Variants in OLFM2 observed in about 807,000 individuals in gnomAD.
OLFM2 encodes the protein olfactomedin 2.
A neutral mutation model predicts 43.9 loss-of-function variants in OLFM2; 20 were observed. The observed-to-expected ratio is 0.46, with a 90% CI of 0.32 to 0.66. The LOEUF (loss-of-function observed/expected upper bound fraction) is 0.66, where lower values mean the gene tolerates loss of function less well. Among genes scored for constraint, OLFM2 ranks in the 30% least tolerant of loss-of-function variants. OLFM2 has a pLI of 0.04. For missense variants in OLFM2, 416 were observed against 643.6 expected (o/e 0.65, Z 3.83); for synonymous variants, 268 against 278.6 (o/e 0.96, Z 0.38).
At chr19:9,907,187 G>A (rs1482476103) in intron 1 of OLFM2, among the ~76,000 whole-genome samples, 1 of 152,168 alleles carries the variant, frequency 6.6e-6, no homozygotes, top group African/African-American at 2.4e-5. Flanking sequence ...CGGGCGTGGT[G>A]GTTCACGCCT....
At position 9,857,372 on chromosome 19, in the gene OLFM2, G is replaced by A. The variant is rs149476020; in HGVS notation, c.471C>T (p.Ser157=). ...CCTCCTGAATGGCCGCCAGACTGCC[G>A]GAGAGATTCCTCACCTCCTCCCGCA... is the stretch of plus-strand genomic sequence containing the variant. ...VRLREEVRNL[S]GSLAAIQEEM... The change falls in exon 4 of 6, where the codon TCC becomes TCT. Residue 157 remains serine (S), a synonymous_variant. Transcript: ENST00000264833. The surrounding 1 kb of genome is among the most constrained non-coding windows in gnomAD (Gnocchi z 5.7). 2,358 of 1,614,132 alleles carry A rather than the reference G, an allele frequency of 1.5e-3. 8 individuals are homozygous for A. The highest frequency in any genetic ancestry group is 4.8e-3 in the South Asian group (439 of 91,076).
intron 2 of OLFM2, among the ~76,000 whole-genome samples, chr19:9,858,583 G>A (rs1051331033): frequency 1.3e-5 from 2 of 152,180 alleles, no homozygotes; most frequent in Non-Finnish European, 2.9e-5. Flanking sequence ...GCCCAGCACT[G>A]GCCTGGAGTA....
At position 9,854,731 on chromosome 19, in the gene OLFM2, A is replaced by G. The variant is rs771699423; in HGVS notation, c.820T>C (p.Tyr274His). Reference sequence around the variant, plus strand: ...TTGTTATAGAACAGGGAGCCGTTGTACACCACGTGGCCCGTGCCCGCCCAC... The same window carrying G: ...TTGTTATAGAACAGGGAGCCGTTGTGCACCACGTGGCCCGTGCCCGCCCAC... ...QPWAGTGHVV[Y>H]NGSLFYNKYQ... Residue 274 changes from tyrosine to histidine, a missense_variant, in exon 6 of 6, where the codon TAC (tyrosine) becomes CAC (histidine). Physicochemically the swap from Tyr to His is moderately conservative, Grantham distance 83. Transcript: ENST00000264833. The surrounding 1 kb of genome is among the most constrained non-coding windows in gnomAD (Gnocchi z 9.5). 1 of 1,614,118 alleles carries G rather than the reference A, an allele frequency of 6.2e-7. No individual in the cohort carries two copies. The highest frequency in any genetic ancestry group is 1.1e-5 in the South Asian group (1 of 91,082).
chr19:9,934,340 C>A (rs537796534), intron 1 of OLFM2, among the ~76,000 whole-genome samples: 1 of 152,278 alleles, frequency 6.6e-6, no homozygotes, highest in Non-Finnish European at 1.5e-5. Flanking sequence ...TTTGGCCACG[C>A]CCCCGTTGTC....
intron 5 of OLFM2, among the ~76,000 whole-genome samples, chr19:9,855,830 C>T (rs1053107763): frequency 2.6e-5 from 4 of 152,114 alleles, no homozygotes; most frequent in Non-Finnish European, 5.9e-5. Context: ...GCCACTGCAC[C>T]TGGCCACTAT....
At chr19:9,863,627 T>C (rs2046380112) in intron 1 of OLFM2, among the ~76,000 whole-genome samples, 1 of 151,888 alleles carries the variant, frequency 6.6e-6, no homozygotes, top group Non-Finnish European at 1.5e-5. Context: ...TTACTAGATC[T>C]CCCAGCAGAA....
intron 1 of OLFM2, among the ~76,000 whole-genome samples, chr19:9,931,799 C>T (rs989539149): frequency 6.6e-6 from 1 of 152,002 alleles, no homozygotes; most frequent in Non-Finnish European, 1.5e-5. Flanking sequence ...AAATTCCTGG[C>T]CTCAAGAGAC....
intron 1 of OLFM2, among the ~76,000 whole-genome samples, chr19:9,865,302 G>A (rs1230926173): frequency 6.6e-6 from 1 of 151,166 alleles, no homozygotes; most frequent in Non-Finnish European, 1.5e-5. Context: ...CCGAGTAGCT[G>A]AGACTAAAGG....
At chr19:9,936,260 C>T in intron 1 of OLFM2, 44 bp downstream of exon 1, 1 of 1,525,700 alleles carries the variant, frequency 6.6e-7, no homozygotes, top group East Asian at 2.5e-5. Context: ...CCCCCCTCCT[C>T]TCCCGGAGCC....
At chr19:9,920,739 T>TAAAAAA (rs2086414017) in intron 1 of OLFM2, among the ~76,000 whole-genome samples, 2 of 77,296 alleles carry the variant, frequency 2.6e-5, no homozygotes, top group African/African-American at 2.0e-4. Context: ...CTACTAAACA[T>TAAAAAA]ACAAAAAAAA....
intron 1 of OLFM2, among the ~76,000 whole-genome samples, chr19:9,861,216 T>G (rs1489976207): frequency 6.6e-6 from 1 of 151,528 alleles, no homozygotes; most frequent in Non-Finnish European, 1.5e-5. Context: ...TTTTTTTTTT[T>G]TTGGTTTGTT....
chr19:9,926,959 T>C (rs1424409941), intron 1 of OLFM2, among the ~76,000 whole-genome samples: 1 of 152,010 alleles, frequency 6.6e-6, no homozygotes, highest in South Asian at 2.1e-4. Flanking sequence ...CACTCCAGCC[T>C]GGGCAACAGA....
At position 9,902,308 on chromosome 19, in the gene OLFM2, G is replaced by T. The variant is rs182508898; in HGVS notation, c.63+33996C>A. On this transcript the variant is annotated intron_variant, in intron 1 of 5. Transcript: ENST00000264833. ...CTCCCAAAATGCTGGGATTACAGGC[G>T]TGAGCCACTGCGCCCAGCCGACTCT... Among the ~76,000 whole-genome samples, 838 of 151,686 alleles carry T rather than the reference G, an allele frequency of 5.5e-3. 8 individuals are homozygous for T. Among genetic ancestry groups the T allele is most frequent in the Non-Finnish European group, 9.4e-3 (638 of 67,966 alleles).
chr19:9,928,490 G>C (rs1205579939), intron 1 of OLFM2, among the ~76,000 whole-genome samples: 1 of 152,002 alleles, frequency 6.6e-6, no homozygotes, highest in African/African-American at 2.4e-5. Context: ...GAGTCTACTG[G>C]GTCCCCAGGA....
chr19:9,874,104 C>T (rs2046465692), intron 1 of OLFM2, among the ~76,000 whole-genome samples: 1 of 152,144 alleles, frequency 6.6e-6, no homozygotes, highest in Non-Finnish European at 1.5e-5. Context: ...AACATCCGTG[C>T]ATCCATTACT....
chr19:9,931,379 A>G (rs1434021912), intron 1 of OLFM2, among the ~76,000 whole-genome samples: 1 of 152,144 alleles, frequency 6.6e-6, no homozygotes, highest in African/African-American at 2.4e-5. Context: ...CCTCCTGAGT[A>G]GAACTACAAG....
intron 1 of OLFM2, among the ~76,000 whole-genome samples, chr19:9,875,485 C>T (rs1052740571): frequency 6.7e-6 from 1 of 149,864 alleles, no homozygotes; most frequent in African/African-American, 2.4e-5. Context: ...GGTGCAGGGG[C>T]CTGGCCGGGG....
At chr19:9,915,336 C>G (rs1332470052) in intron 1 of OLFM2, among the ~76,000 whole-genome samples, 1 of 151,066 alleles carries the variant, frequency 6.6e-6, no homozygotes, top group Non-Finnish European at 1.5e-5. Flanking sequence ...CTTGGCCTCC[C>G]AAAGTGTTGG....
chr19:9,911,045 A>AGGAT (rs1367825548), intron 1 of OLFM2, among the ~76,000 whole-genome samples: 1 of 152,084 alleles, frequency 6.6e-6, no homozygotes, highest in African/African-American at 2.4e-5. Context: ...GATGGAGGGA[A>AGGAT]GGATGGATGG....
Sources: gnomAD v4.1 joint callset for allele counts (sites outside exome capture counted in the v4.1 genomes callset) on GRCh38, gnomAD v4.1.1 for gene constraint, Gnocchi (gnomAD v3.1) non-coding constraint, MANE v1.5 for transcripts, NCBI Gene and HGNC (gene_info 2026-07-23, HGNC 2026-07-21) for gene names.